H2BC1: variants seen among roughly 807,000 people sequenced by gnomAD.
H2BC1 encodes the protein H2B clustered histone 1, also known as histone H2B type 1-A.
H2BC1 carries 5 observed loss-of-function variants against 5.4 expected under a neutral mutation model. The observed-to-expected ratio is 0.92, with a 90% CI of 0.48 to 1.94. The LOEUF (loss-of-function observed/expected upper bound fraction) is 1.94, where lower values mean the gene tolerates loss of function less well. Among genes scored for constraint, H2BC1 ranks in the 30% most tolerant of loss-of-function variants. H2BC1 has a pLI of 0.01. For synonymous variants in H2BC1, 131 were observed against 58.2 expected, an observed-to-expected ratio of 2.25 and a Z score of -5.69; for missense variants, 210 against 159.1, an observed-to-expected ratio of 1.32 and a Z score of -1.72.
chr6:25,727,165 GC>G lies in H2BC1; in HGVS notation c.258del (p.Ser86ArgfsTer47). The G allele has an allele frequency of 1.2e-6, 2 of 1,614,174 alleles. No individual in the cohort carries two copies. Among genetic ancestry groups the G allele is most frequent in the Non-Finnish European group, 1.7e-6 (2 of 1,180,042 alleles). ...ASEASRLAHY[S>X]KRSTISSREI... The stretch of plus-strand genomic sequence containing the variant: ...GAGGCATCACGTTTGGCTCACTACA[GC>G]AAGCGCTCCACCATTTCTTCCAGAG... On this transcript the variant is annotated frameshift_variant, in exon 1 of 1. Transcript: ENST00000274764. LOFTEE classifies it high-confidence loss of function.
Position 25,726,801 on chromosome 6 carries a change from A to G in H2BC1, c.-108A>G, listed in dbSNP as rs1215341074. On this transcript the variant is annotated 5_prime_UTR_variant, in exon 1 of 1. Transcript: ENST00000274764. The stretch of plus-strand genomic sequence containing the variant: ...TGTTTGTTTACTTGGCGAGACTTGG[A>G]GCTGAGGTCATTTGGAGCTGTTTAA... 2.2e-6 allele frequency: 3 copies of G among 1,354,598 alleles called. No homozygotes were observed. The highest frequency in any genetic ancestry group is 2.3e-5 in the Admixed American group (1 of 44,072). 83.9% of individuals were successfully genotyped at this position (1,354,598 alleles called of 1,614,324 possible).
In H2BC1 at chr6:25,727,301, A is replaced by G. The variant is rs1206784562; in HGVS notation, c.*9A>G. On this transcript the variant is annotated 3_prime_UTR_variant, in exon 1 of 1. Transcript: ENST00000274764. ...ACACCAGCTCCAAGTAAGCCTGCTA[A>G]GTAAACGTCATTTCTAACCCAAAGG... The G allele has an allele frequency of 6.3e-7, 1 of 1,575,082 alleles. No individual in the cohort carries two copies. Among genetic ancestry groups the G allele is most frequent in the South Asian group, 1.2e-5 (1 of 84,432 alleles).
rs148797912 is a variant in H2BC1, at chr6:25,726,968, C to A, written c.60C>A (p.Val20=). The change falls in exon 1 of 1, where the codon GTC becomes GTA. Residue 20 remains valine, a synonymous_variant. Transcript: ENST00000274764. The part of the protein sequence containing the change: ...TISKKGFKKA[V]VKTQKKEGKK... ...CCAAGAAGGGCTTTAAGAAAGCTGT[C>A]GTTAAGACCCAGAAAAAGGAAGGCA... is the stretch of plus-strand genomic sequence containing the variant. 4 of 1,613,854 alleles carry A rather than the reference C, an allele frequency of 2.5e-6. No homozygotes were observed. The highest frequency in any genetic ancestry group is 3.4e-6 in the Non-Finnish European group (4 of 1,179,998).
In H2BC1 at chr6:25,727,193, G is replaced by C; in HGVS notation, c.285G>C (p.Glu95Asp). The change falls in exon 1 of 1, where the codon GAG (glutamate) becomes GAC (aspartate). Residue 95 changes from glutamate (E) to aspartate (D), a missense_variant. Physicochemically the swap from Glu to Asp is conservative, Grantham distance 45. Coordinates refer to ENST00000274764, the MANE Select transcript of H2BC1 (RefSeq NM_170610.3). Reference sequence around the variant, plus strand: ...AGCGCTCCACCATTTCTTCCAGAGAGATTCAGACAGCAGTGCGCTTGCTAC... The same window carrying C: ...AGCGCTCCACCATTTCTTCCAGAGACATTCAGACAGCAGTGCGCTTGCTAC... ...YSKRSTISSR[E>D]IQTAVRLLLP... The C allele has an allele frequency of 6.2e-7, 1 of 1,614,164 alleles. No individual in the cohort carries two copies. Among genetic ancestry groups the C allele is most frequent in the Non-Finnish European group, 8.5e-7 (1 of 1,180,046 alleles).
Position 25,727,100 on chromosome 6 carries a change from G to T in H2BC1, c.192G>T (p.Met64Ile). 1 of 1,614,236 alleles carries T rather than the reference G, an allele frequency of 6.2e-7. No individual in the cohort carries two copies. The highest frequency in any genetic ancestry group is 8.5e-7 in the Non-Finnish European group (1 of 1,180,048). ...TGISSKAMSIMNSFVTDIFER... is the reference protein window; with the variant it reads ...TGISSKAMSIINSFVTDIFER... The stretch of plus-strand genomic sequence containing the variant: ...TCTCTTCGAAAGCTATGAGCATTAT[G>T]AATTCCTTCGTCACTGATATCTTTG... Residue 64 changes from methionine to isoleucine, a missense_variant, in exon 1 of 1, where the codon ATG (methionine) becomes ATT (isoleucine). By Grantham distance (10) the Met-to-Ile change is conservative. Transcript: ENST00000274764.
rs190795404 is a variant in H2BC1, at chr6:25,727,076, C to T, written c.168C>T (p.Ile56=). Reference sequence around the variant, plus strand: ...AGCAGGTCCATCCGGACACTGGCATCTCTTCGAAAGCTATGAGCATTATGA... The same window carrying T: ...AGCAGGTCCATCCGGACACTGGCATTTCTTCGAAAGCTATGAGCATTATGA... ...VLKQVHPDTG[I]SSKAMSIMNS... The change falls in exon 1 of 1, where the codon ATC becomes ATT. Residue 56 remains isoleucine, a synonymous_variant. Transcript: ENST00000274764. 68 of 1,614,238 alleles carry T rather than the reference C, an allele frequency of 4.2e-5. No individual in the cohort carries two copies. The highest frequency in any genetic ancestry group is 1.5e-4 in the South Asian group (14 of 91,090).
In H2BC1 at chr6:25,727,033, A is replaced by G; in HGVS notation, c.125A>G (p.Tyr42Cys). The part of the protein sequence containing the change: ...KRTRKESYSI[Y>C]IYKVLKQVHP... ...ACCCGTAAGGAGAGTTATTCTATTTACATCTACAAAGTGCTAAAGCAGGTC... is the reference window on the plus strand; with the variant it reads ...ACCCGTAAGGAGAGTTATTCTATTTGCATCTACAAAGTGCTAAAGCAGGTC... The change falls in exon 1 of 1, where the codon TAC (tyrosine) becomes TGC (cysteine). Residue 42 changes from tyrosine to cysteine, a missense_variant. Coordinates refer to ENST00000274764, the MANE Select transcript of H2BC1 (RefSeq NM_170610.3). 6.2e-7 allele frequency: 1 copy of G among 1,614,252 alleles called. No individual in the cohort carries two copies.
In H2BC1 at chr6:25,727,114, CTGA is replaced by C; in HGVS notation, c.208_210del (p.Asp70del). On this transcript the variant is annotated inframe_deletion, in exon 1 of 1. Coordinates refer to ENST00000274764, the MANE Select transcript of H2BC1 (RefSeq NM_170610.3). ...ATGAGCATTATGAATTCCTTCGTCA[CTGA>C]TATCTTTGAGCGTATAGCGAGCGAG... 6.2e-7 allele frequency: 1 copy of C among 1,614,238 alleles called. No homozygotes were observed. Among genetic ancestry groups the C allele is most frequent in the Non-Finnish European group, 8.5e-7 (1 of 1,180,040 alleles).
chr6:25,727,110 G>C lies in H2BC1; in HGVS notation c.202G>C (p.Val68Leu), dbSNP rs146343091. The C allele has an allele frequency of 1.2e-6, 2 of 1,614,178 alleles. No individual in the cohort carries two copies. Among genetic ancestry groups the C allele is most frequent in the East Asian group, 2.2e-5 (1 of 44,878 alleles). Residue 68 changes from valine (V) to leucine (L), a missense_variant, in exon 1 of 1, where the codon GTC (valine) becomes CTC (leucine). Coordinates refer to ENST00000274764, the MANE Select transcript of H2BC1 (RefSeq NM_170610.3). ...AGCTATGAGCATTATGAATTCCTTC[G>C]TCACTGATATCTTTGAGCGTATAGC... is the stretch of plus-strand genomic sequence containing the variant. ...SKAMSIMNSFVTDIFERIASE... is the reference protein window; with the variant it reads ...SKAMSIMNSFLTDIFERIASE...
rs145569895 is a variant in H2BC1 at position 25,727,223 on chromosome 6, G to T, written c.315G>T (p.Pro105=). The T allele has an allele frequency of 1.2e-6, 2 of 1,613,938 alleles. No homozygotes were observed. Among genetic ancestry groups the T allele is most frequent in the Non-Finnish European group, 1.7e-6 (2 of 1,179,920 alleles). The change falls in exon 1 of 1, where the codon CCG becomes CCT. Residue 105 remains proline, a synonymous_variant. Coordinates refer to ENST00000274764, the MANE Select transcript of H2BC1 (RefSeq NM_170610.3). ...EIQTAVRLLL[P]GELAKHAVSE... The stretch of plus-strand genomic sequence containing the variant: ...AGACAGCAGTGCGCTTGCTACTGCC[G>T]GGAGAGCTGGCTAAACATGCTGTGT...
rs931026751 is a variant in H2BC1, at chr6:25,727,340, C to T, written c.*48C>T. The T allele has an allele frequency of 2.4e-5, 36 of 1,499,004 alleles. No homozygotes were observed. Among genetic ancestry groups the T allele is most frequent in the South Asian group, 9.5e-5 (7 of 74,004 alleles). 92.9% of individuals were successfully genotyped at this position (1,499,004 alleles called of 1,614,324 possible). ...CTAACCCAAAGGCTCTTTTCAGAGC[C>T]ACTTAAACATACTGAAACAGCTGTG... On this transcript the variant is annotated 3_prime_UTR_variant, in exon 1 of 1. Transcript: ENST00000274764.
At position 25,727,143 on chromosome 6, in the gene H2BC1, G is replaced by C; in HGVS notation, c.235G>C (p.Ala79Pro). ...TDIFERIASE[A>P]SRLAHYSKRS... ...TATCTTTGAGCGTATAGCGAGCGAG[G>C]CATCACGTTTGGCTCACTACAGCAA... is the stretch of plus-strand genomic sequence containing the variant. Residue 79 changes from alanine to proline, a missense_variant, in exon 1 of 1, where the codon GCA becomes CCA. Coordinates refer to ENST00000274764, the MANE Select transcript of H2BC1 (RefSeq NM_170610.3). 1.2e-6 allele frequency: 2 copies of C among 1,614,160 alleles called. No individual in the cohort carries two copies. Among genetic ancestry groups the C allele is most frequent in the Non-Finnish European group, 1.7e-6 (2 of 1,180,022 alleles).
chr6:25,727,139 C>A lies in H2BC1; in HGVS notation c.231C>A (p.Ser77Arg). 3.7e-6 allele frequency: 6 copies of A among 1,614,156 alleles called. No homozygotes were observed. The highest frequency in any genetic ancestry group is 5.1e-6 in the Non-Finnish European group (6 of 1,180,030). ...CTGATATCTTTGAGCGTATAGCGAG[C>A]GAGGCATCACGTTTGGCTCACTACA... ...FVTDIFERIASEASRLAHYSK... is the reference protein window; with the variant it reads ...FVTDIFERIAREASRLAHYSK... Residue 77 changes from serine to arginine, a missense_variant, in exon 1 of 1, where the codon AGC becomes AGA. By Grantham distance (110) the Ser-to-Arg change is moderately radical. Transcript: ENST00000274764.
Position 25,726,882 on chromosome 6 carries a change from G to GT in H2BC1, c.-26dup, listed in dbSNP as rs778407898. On this transcript the variant is annotated 5_prime_UTR_variant, in exon 1 of 1. Transcript: ENST00000274764. ...CTGTGTAACCCTGGAAAAGAACCGT[G>GT]TAACGCTGCAGAAGTGTGTGGTAGC... The GT allele has an allele frequency of 2.7e-5, 43 of 1,595,022 alleles. No individual in the cohort carries two copies. Among genetic ancestry groups the GT allele is most frequent in the Non-Finnish European group, 3.6e-5 (42 of 1,171,856 alleles).
At position 25,727,236 on chromosome 6, in the gene H2BC1, A is replaced by T. The variant is rs1760294363; in HGVS notation, c.328A>T (p.Lys110Ter). The T allele has an allele frequency of 2.5e-6, 4 of 1,613,694 alleles. No individual in the cohort carries two copies. Among genetic ancestry groups the T allele is most frequent in the Non-Finnish European group, 2.5e-6 (3 of 1,179,672 alleles). ...VRLLLPGELA[K>*]HAVSEGTKAV... ...CTTGCTACTGCCGGGAGAGCTGGCTAAACATGCTGTGTCTGAGGGCACCAA... is the reference window on the plus strand; with the variant it reads ...CTTGCTACTGCCGGGAGAGCTGGCTTAACATGCTGTGTCTGAGGGCACCAA... Residue 110 changes from lysine (K) to a stop codon, truncating the protein, a stop_gained, in exon 1 of 1, where the codon AAA becomes TAA. Coordinates refer to ENST00000274764, the MANE Select transcript of H2BC1 (RefSeq NM_170610.3). LOFTEE classifies it high-confidence loss of function.
At position 25,726,988 on chromosome 6, in the gene H2BC1, A is replaced by G; in HGVS notation, c.80A>G (p.Glu27Gly). ...GCTGTCGTTAAGACCCAGAAAAAGG[A>G]AGGCAAAAAGCGCAAGAGGACCCGT... ...KKAVVKTQKKEGKKRKRTRKE... is the reference protein window; with the variant it reads ...KKAVVKTQKKGGKKRKRTRKE... Residue 27 changes from glutamate (E) to glycine (G), a missense_variant, in exon 1 of 1, where the codon GAA (glutamate) becomes GGA (glycine). By Grantham distance (98) the Glu-to-Gly change is moderately conservative. Transcript: ENST00000274764. 6 of 1,614,218 alleles carry G rather than the reference A, an allele frequency of 3.7e-6. No homozygotes were observed. The highest frequency in any genetic ancestry group is 5.1e-6 in the Non-Finnish European group (6 of 1,180,040).
In H2BC1 at chr6:25,726,953, C is replaced by T. The variant is rs1453744995; in HGVS notation, c.45C>T (p.Gly15=). The change falls in exon 1 of 1, where the codon GGC becomes GGT. Residue 15 remains glycine (G), a synonymous_variant. Transcript: ENST00000274764. The part of the protein sequence containing the change: ...SSKGATISKK[G]FKKAVVKTQK... Reference sequence around the variant, plus strand: ...AAGGTGCTACCATTTCCAAGAAGGGCTTTAAGAAAGCTGTCGTTAAGACCC... The same window carrying T: ...AAGGTGCTACCATTTCCAAGAAGGGTTTTAAGAAAGCTGTCGTTAAGACCC... 4.3e-6 allele frequency: 7 copies of T among 1,614,036 alleles called. No individual in the cohort carries two copies. Among genetic ancestry groups the T allele is most frequent in the Admixed American group, 3.3e-5 (2 of 60,010 alleles).
rs1281015200 is a variant in H2BC1, at chr6:25,727,065, GAC to G, written c.160_161del (p.Thr54TrpfsTer16). 2 of 1,614,126 alleles carry G rather than the reference GAC, an allele frequency of 1.2e-6. No individual in the cohort carries two copies. The highest frequency in any genetic ancestry group is 2.7e-5 in the African/African-American group (2 of 74,952). On this transcript the variant is annotated frameshift_variant, in exon 1 of 1. Coordinates refer to ENST00000274764, the MANE Select transcript of H2BC1 (RefSeq NM_170610.3). LOFTEE classifies it high-confidence loss of function. ...IYKVLKQVHP[D>X]TGISSKAMSI... ...CAAAGTGCTAAAGCAGGTCCATCCG[GAC>G]ACTGGCATCTCTTCGAAAGCTATGA...
chr6:25,726,888 C>G lies in H2BC1; in HGVS notation c.-21C>G, dbSNP rs76498510. 8.1e-6 allele frequency: 13 copies of G among 1,601,806 alleles called. No individual in the cohort carries two copies. The highest frequency in any genetic ancestry group is 1.1e-5 in the Non-Finnish European group (13 of 1,174,650). On this transcript the variant is annotated 5_prime_UTR_variant, in exon 1 of 1. Coordinates refer to ENST00000274764, the MANE Select transcript of H2BC1 (RefSeq NM_170610.3). Reference sequence around the variant, plus strand: ...AACCCTGGAAAAGAACCGTGTAACGCTGCAGAAGTGTGTGGTAGCTATGCC... The same window carrying G: ...AACCCTGGAAAAGAACCGTGTAACGGTGCAGAAGTGTGTGGTAGCTATGCC...
Sources: allele counts gnomAD v4.1 joint callset, GRCh38; gene constraint gnomAD v4.1.1; transcripts MANE v1.5; gene names NCBI Gene and HGNC (gene_info 2026-07-23, HGNC 2026-07-21).